Variants in ZBTB7C observed in about 807,000 individuals in gnomAD.
The protein encoded by ZBTB7C is zinc finger and BTB domain-containing protein 7C.
A neutral mutation model predicts 25.7 loss-of-function variants in ZBTB7C; 8 were observed. That is an observed-to-expected ratio of 0.31 (90% CI 0.18 to 0.56). ZBTB7C has a LOEUF of 0.56. ZBTB7C is among the 20% of genes least tolerant of loss of function. The probability of loss-of-function intolerance (pLI) is 0.91; values close to 1 mark genes in which losing one functional copy is unlikely to be tolerated. For missense variants in ZBTB7C, 824 were observed against 855.2 expected (o/e 0.96, Z 0.46); for synonymous variants, 394 against 369.0 (o/e 1.07, Z -0.78).
chr18:48,098,914 C>T (rs2038735901), intron 3 of ZBTB7C, among the ~76,000 whole-genome samples: 1 of 152,178 alleles, frequency 6.6e-6, no homozygotes, highest in South Asian at 2.1e-4. Context: ...TAAATGAAGC[C>T]AATCAATGTG....
intron 2 of ZBTB7C, among the ~76,000 whole-genome samples, chr18:48,291,730 A>G (rs1385284974): frequency 2.0e-5 from 3 of 152,146 alleles, no homozygotes; most frequent in African/African-American, 7.2e-5. Flanking sequence ...AGTGCTCTTG[A>G]CCAAAGAGTG....
chr18:48,029,045 T>C lies in ZBTB7C; in HGVS notation c.*215A>G. On this transcript the variant is annotated 3_prime_UTR_variant, in exon 5 of 5. Coordinates refer to ENST00000590800, the MANE Select transcript of ZBTB7C (RefSeq NM_001318841.2). ...AGACAGGGAGGGAGGCCCGGGCTCCTGGCCTTTTGGGAAAAGATGCCCGTC... is the reference window on the plus strand; with the variant it reads ...AGACAGGGAGGGAGGCCCGGGCTCCCGGCCTTTTGGGAAAAGATGCCCGTC... 1.6e-6 allele frequency: 1 copy of C among 644,302 alleles called. No individual in the cohort carries two copies. Among genetic ancestry groups the C allele is most frequent in the Non-Finnish European group, 2.4e-6 (1 of 409,934 alleles). 39.9% of individuals were successfully genotyped at this position (644,302 alleles called of 1,614,324 possible).
At position 48,323,593 on chromosome 18, in the gene ZBTB7C, CT is replaced by C. The variant is rs11331923; in HGVS notation, c.-79+14580del. ...TTTGCAGTTCTATGACTTTGCCATT[CT>C]TTTGATTTTGCTGCTACAAAATGAG... On this transcript the variant is annotated intron_variant, in intron 2 of 4. Transcript: ENST00000590800. Among the ~76,000 whole-genome samples the C allele has an allele frequency of 5.4e-3, 818 of 152,256 alleles. 6 individuals carry two copies. The highest frequency in any genetic ancestry group is 0.019 in the African/African-American group (792 of 41,546).
At chr18:48,093,798 G>A (rs1461909080) in intron 3 of ZBTB7C, among the ~76,000 whole-genome samples, 1 of 152,204 alleles carries the variant, frequency 6.6e-6, no homozygotes, top group Non-Finnish European at 1.5e-5. Context: ...GCTCACGCCT[G>A]TAATCCCAGC....
chr18:48,049,183 A>G (rs1265681195), intron 3 of ZBTB7C, among the ~76,000 whole-genome samples: 1 of 152,188 alleles, frequency 6.6e-6, no homozygotes, highest in Non-Finnish European at 1.5e-5. Flanking sequence ...AGTGCCCCCA[A>G]CTAGGTGCAA....
chr18:48,327,980 G>A lies in ZBTB7C; in HGVS notation c.-79+10194C>T, dbSNP rs7237999. Among the ~76,000 whole-genome samples the A allele has an allele frequency of 5.5e-3, 833 of 151,998 alleles. 6 individuals carry two copies. The highest frequency in any genetic ancestry group is 0.019 in the African/African-American group (803 of 41,436). ...CCCCAGCACTTTGGGAGGCCGAGGC[G>A]GGCGGATCACGAGGTCAGGAGATCG... On this transcript the variant is annotated intron_variant, in intron 2 of 4. Coordinates refer to ENST00000590800, the MANE Select transcript of ZBTB7C (RefSeq NM_001318841.2).
chr18:48,154,903 G>C (rs34530733), intron 3 of ZBTB7C, among the ~76,000 whole-genome samples: 4,980 of 152,244 alleles, frequency 0.033, 117 homozygotes, highest in Non-Finnish European at 0.045. Context: ...TTGTTTAAAA[G>C]ATCTGAAGAA....
chr18:48,282,793 A>C (rs2044907396), intron 2 of ZBTB7C, among the ~76,000 whole-genome samples: 1 of 152,258 alleles, frequency 6.6e-6, no homozygotes, highest in Non-Finnish European at 1.5e-5. Context: ...AATAAAGTTC[A>C]AACACAGGCA....
chr18:48,241,988 A>C (rs1460091399), intron 2 of ZBTB7C, among the ~76,000 whole-genome samples: 2 of 152,198 alleles, frequency 1.3e-5, no homozygotes, highest in Non-Finnish European at 1.5e-5. Context: ...AGATCCAAAT[A>C]AGCTCAATTA....
chr18:48,195,899 C>A (rs896185292), intron 2 of ZBTB7C, among the ~76,000 whole-genome samples: 1 of 152,034 alleles, frequency 6.6e-6, no homozygotes, highest in Non-Finnish European at 1.5e-5. Flanking sequence ...ATTTAATTGG[C>A]TTGTATAATA....
chr18:48,330,630 T>C (rs2046322247), intron 2 of ZBTB7C, among the ~76,000 whole-genome samples: 2 of 151,586 alleles, frequency 1.3e-5, no homozygotes, highest in African/African-American at 4.9e-5. Flanking sequence ...ATTTTGTTGC[T>C]TTGTCCCAGT....
intron 3 of ZBTB7C, among the ~76,000 whole-genome samples, chr18:48,183,861 T>C (rs1462918782): frequency 6.6e-6 from 1 of 152,186 alleles, no homozygotes; most frequent in Non-Finnish European, 1.5e-5. Flanking sequence ...GTGCAGTTGA[T>C]GTGGACCAGA....
chr18:48,352,100 CACA>C (rs1175178881), intron 1 of ZBTB7C, among the ~76,000 whole-genome samples: 2 of 152,224 alleles, frequency 1.3e-5, no homozygotes, highest in Non-Finnish European at 2.9e-5. Flanking sequence ...GGTGCCTTTA[CACA>C]ACATGTTCCT....
chr18:48,261,032 A>T (rs1437646700), intron 2 of ZBTB7C, among the ~76,000 whole-genome samples: 1 of 152,258 alleles, frequency 6.6e-6, no homozygotes, highest in East Asian at 1.9e-4. Flanking sequence ...TAAATTAAGA[A>T]TTCAATAGCA....
At chr18:48,281,723 C>A in intron 2 of ZBTB7C, among the ~76,000 whole-genome samples, 1 of 151,970 alleles carries the variant, frequency 6.6e-6, no homozygotes, top group Non-Finnish European at 1.5e-5. Context: ...CTCACCATCA[C>A]TGGCCATCAG....
At chr18:48,199,775 C>T (rs1599087348) in intron 2 of ZBTB7C, among the ~76,000 whole-genome samples, 1 of 152,182 alleles carries the variant, frequency 6.6e-6, no homozygotes, top group South Asian at 2.1e-4. Flanking sequence ...GAGTAAGACA[C>T]TAAAAAGTCG....
At chr18:48,357,077 G>A (rs930330402) in intron 1 of ZBTB7C, among the ~76,000 whole-genome samples, 1 of 152,334 alleles carries the variant, frequency 6.6e-6, no homozygotes, top group East Asian at 1.9e-4. Context: ...CATCCCCTGA[G>A]GCAGCCTGCA....
intron 1 of ZBTB7C, among the ~76,000 whole-genome samples, chr18:48,360,174 C>A (rs1029389506): frequency 6.6e-6 from 1 of 152,230 alleles, no homozygotes; most frequent in African/African-American, 2.4e-5. Context: ...TGGAATACTA[C>A]AACAATATGA....
chr18:48,327,445 G>A (rs1598879737), intron 2 of ZBTB7C, among the ~76,000 whole-genome samples: 2 of 152,178 alleles, frequency 1.3e-5, no homozygotes, highest in Admixed American at 1.3e-4. Flanking sequence ...TGAGTCAGGA[G>A]ATAGGAGTTC....
Sources: allele counts gnomAD v4.1 joint callset (sites outside exome capture counted in the v4.1 genomes callset), GRCh38; gene constraint gnomAD v4.1.1; transcripts MANE v1.5; gene names NCBI Gene and HGNC (gene_info 2026-07-23, HGNC 2026-07-21).